Variants in ZSWIM5 observed in about 807,000 individuals in gnomAD.
The protein encoded by ZSWIM5 is zinc finger SWIM-type containing 5.
A neutral mutation model predicts 119.6 loss-of-function variants in ZSWIM5; 55 were observed. The ratio of observed to expected loss-of-function variants is 0.46; its 90% CI spans 0.37 to 0.58. The LOEUF is 0.58. Ranked by LOEUF, ZSWIM5 falls within the 20% of genes least tolerant of loss-of-function variation. The pLI is 0.00. For missense variants in ZSWIM5, 1,193 were observed against 1,512.8 expected (o/e 0.79, Z 3.51); for synonymous variants, 537 against 606.9 (o/e 0.88, Z 1.69).
At chr1:45,024,693 C>T (rs909250290) in intron 11 of ZSWIM5, among the ~76,000 whole-genome samples, 8 of 151,906 alleles carry the variant, frequency 5.3e-5, no homozygotes, top group Non-Finnish European at 7.4e-5. Context: ...CTCACTCTGT[C>T]GCCCAGGCTG....
intron 2 of ZSWIM5, among the ~76,000 whole-genome samples, chr1:45,068,030 T>C (rs1205160779): frequency 6.6e-6 from 1 of 152,008 alleles, no homozygotes; most frequent in Non-Finnish European, 1.5e-5. Context: ...CACGTAAGCA[T>C]TGAGGCTTAT....
intron 1 of ZSWIM5, among the ~76,000 whole-genome samples, chr1:45,104,171 T>C (rs1011593272): frequency 1.3e-5 from 2 of 152,120 alleles, no homozygotes; most frequent in African/African-American, 2.4e-5. Flanking sequence ...CCAGCAGAAG[T>C]AAAGCAGCCA....
chr1:45,119,957 C>T (rs1645581456), intron 1 of ZSWIM5, among the ~76,000 whole-genome samples: 3 of 152,214 alleles, frequency 2.0e-5, no homozygotes, highest in Admixed American at 1.3e-4. Flanking sequence ...CACAACCATC[C>T]TTTCATTTTA....
intron 5 of ZSWIM5, among the ~76,000 whole-genome samples, chr1:45,047,900 A>G (rs1645064815): frequency 1.3e-5 from 2 of 152,262 alleles, no homozygotes; most frequent in Non-Finnish European, 2.9e-5. Context: ...TAGGAAAAAG[A>G]TGGTGTGAAA....
intron 1 of ZSWIM5, among the ~76,000 whole-genome samples, chr1:45,162,062 A>T (rs926399070): frequency 6.6e-6 from 1 of 152,198 alleles, no homozygotes; most frequent in Non-Finnish European, 1.5e-5. Flanking sequence ...CAATCTCTAC[A>T]CTGAGACCAG....
intron 1 of ZSWIM5, among the ~76,000 whole-genome samples, chr1:45,182,811 A>T (rs1402456335): frequency 6.6e-6 from 1 of 152,138 alleles, no homozygotes; most frequent in Admixed American, 6.6e-5. Context: ...AGACTTTAAC[A>T]CCCCACTGTC....
At chr1:45,092,536 C>CCA (rs1223813101) in intron 1 of ZSWIM5, among the ~76,000 whole-genome samples, 1 of 52,206 alleles carries the variant, frequency 1.9e-5, no homozygotes, top group African/African-American at 6.4e-5. Flanking sequence ...ACCTCGTGAT[C>CCA]CACCCCCCCC....
chr1:45,022,513 A>G (rs1223274295), intron 11 of ZSWIM5, among the ~76,000 whole-genome samples: 3 of 152,322 alleles, frequency 2.0e-5, no homozygotes, highest in Non-Finnish European at 2.9e-5. Flanking sequence ...ATTTATGCCA[A>G]TGTCTTATTA....
At chr1:45,156,402 A>G (rs1645827268) in intron 1 of ZSWIM5, among the ~76,000 whole-genome samples, 2 of 152,166 alleles carry the variant, frequency 1.3e-5, no homozygotes, top group South Asian at 4.1e-4. Context: ...CAATATACCC[A>G]TGTAACAAGT....
intron 1 of ZSWIM5, among the ~76,000 whole-genome samples, chr1:45,099,268 C>CTT (rs1645423170): frequency 6.6e-6 from 1 of 152,176 alleles, no homozygotes; most frequent in African/African-American, 2.4e-5. Flanking sequence ...ATACTATAAA[C>CTT]ACCTCTACAA....
At chr1:45,128,138 T>G (rs1645632079) in intron 1 of ZSWIM5, among the ~76,000 whole-genome samples, 1 of 152,198 alleles carries the variant, frequency 6.6e-6, no homozygotes, top group Non-Finnish European at 1.5e-5. Context: ...AAGATTATTC[T>G]AAAATTTATA....
chr1:45,088,429 A>C lies in ZSWIM5; in HGVS notation c.596-192T>G, dbSNP rs1275854454. Among the ~76,000 whole-genome samples the C allele has an allele frequency of 6.6e-6, 1 of 152,184 alleles. No individual in the cohort carries two copies. The highest frequency in any genetic ancestry group is 6.5e-5 in the Admixed American group (1 of 15,288). ...GCTCTGAAGAAACACACAATATAGA[A>C]AGAGTCCTCACCCTGGAGTTCGTGA... is the stretch of plus-strand genomic sequence containing the variant. On this transcript the variant is annotated intron_variant, in intron 1 of 13. Transcript: ENST00000359600. This position sits in a 1 kb window ranked among gnomAD's most constrained non-coding sequence, Gnocchi z 4.2.
At chr1:45,126,183 G>A (rs1425345574) in intron 1 of ZSWIM5, among the ~76,000 whole-genome samples, 1 of 147,404 alleles carries the variant, frequency 6.8e-6, no homozygotes, top group Admixed American at 6.8e-5. Flanking sequence ...AAAGGAGGAA[G>A]TAATAAAGGT....
At chr1:45,196,453 C>G (rs1279843861) in intron 1 of ZSWIM5, among the ~76,000 whole-genome samples, 2 of 130,072 alleles carry the variant, frequency 1.5e-5, no homozygotes, top group Admixed American at 9.2e-5. Flanking sequence ...TGCAGTGGCA[C>G]GATATCGGCT....
At chr1:45,180,637 G>A in intron 1 of ZSWIM5, among the ~76,000 whole-genome samples, 1 of 152,122 alleles carries the variant, frequency 6.6e-6, no homozygotes, top group Non-Finnish European at 1.5e-5. Context: ...TCCTCAAGTG[G>A]GTCCCTGATC....
intron 1 of ZSWIM5, among the ~76,000 whole-genome samples, chr1:45,129,399 C>A (rs187149694): frequency 1.3e-5 from 2 of 152,082 alleles, no homozygotes; most frequent in East Asian, 3.9e-4. Flanking sequence ...CCTCGTGATC[C>A]GCCCGCCTCA....
chr1:45,206,001 T>C lies in ZSWIM5; in HGVS notation c.350A>G (p.Tyr117Cys), dbSNP rs567847058. ...AGCGCCGGCGCCGGGGCCGCCCCGG[T>C]ACTGGAAGCTGGAGTACATGCAGAT... Reference protein sequence around the residue: ...REICMYSSFQYRGGPGAGAAG... With the variant: ...REICMYSSFQCRGGPGAGAAG... The change falls in exon 1 of 14, where the codon TAC becomes TGC. Residue 117 changes from tyrosine (Y) to cysteine (C), a missense_variant. This residue lies in a region of ZSWIM5 where 232 missense variants were observed against 222.9 expected (regional missense o/e 1.04). Transcript: ENST00000359600. 1 of 1,563,796 alleles carries C rather than the reference T, an allele frequency of 6.4e-7. No individual in the cohort carries two copies. The highest frequency in any genetic ancestry group is 1.2e-5 in the South Asian group (1 of 86,910).
chr1:45,119,483 T>C (rs759350492), intron 1 of ZSWIM5, among the ~76,000 whole-genome samples: 1 of 152,238 alleles, frequency 6.6e-6, no homozygotes, highest in Non-Finnish European at 1.5e-5. Context: ...TAAAGATACC[T>C]AAGATGACTA....
At chr1:45,147,536 G>A (rs193032937) in intron 1 of ZSWIM5, among the ~76,000 whole-genome samples, 1 of 106,776 alleles carries the variant, frequency 9.4e-6, no homozygotes, top group East Asian at 2.8e-4. Context: ...ACAGTTCTAA[G>A]AAAGATCTCT....
Sources: gnomAD v4.1 joint callset for allele counts (sites outside exome capture counted in the v4.1 genomes callset) on GRCh38, gnomAD v4.1.1 for gene constraint, gnomAD v4.1.1 regional missense constraint, Gnocchi (gnomAD v3.1) non-coding constraint, MANE v1.5 for transcripts, NCBI Gene and HGNC (gene_info 2026-07-23, HGNC 2026-07-21) for gene names.